CIT: variants seen among roughly 807,000 people sequenced by gnomAD.
CIT encodes the protein citron rho-interacting serine/threonine kinase, also known as citron Rho-interacting kinase.
Under a neutral mutation model 272.7 loss-of-function variants are expected in CIT, and 79 were observed. The ratio of observed to expected loss-of-function variants is 0.29; its 90% CI spans 0.24 to 0.35. The LOEUF (loss-of-function observed/expected upper bound fraction) is 0.35. Among genes scored for constraint, CIT ranks in the 10% least tolerant of loss-of-function variants. The probability of loss-of-function intolerance (pLI) is 1.00; values close to 1 mark genes in which losing one functional copy is unlikely to be tolerated. For missense variants in CIT, 1,909 were observed against 2,618.3 expected, an observed-to-expected ratio of 0.73 and a Z score of 5.91; for synonymous variants, 948 against 995.6, an observed-to-expected ratio of 0.95 and a Z score of 0.90.
At chr12:119,827,447 T>TA (rs1276277166) in intron 7 of CIT, among the ~76,000 whole-genome samples, 1 of 151,358 alleles carries the variant, frequency 6.6e-6, no homozygotes, top group Non-Finnish European at 1.5e-5. Flanking sequence ...AATAGATTTT[T>TA]TTTTTTTCCG....
chr12:119,735,240 T>C lies in CIT; in HGVS notation c.3076A>G (p.Ile1026Val). The change falls in exon 25 of 48, where the codon ATT (isoleucine) becomes GTT (valine). Residue 1026 changes from isoleucine (I) to valine (V), a missense_variant. This residue lies in a region of CIT where 530 missense variants were observed against 822.4 expected (regional missense o/e 0.64). Transcript: ENST00000392521. ...TCCACTTCACTTCGCAGTTGTACAA[T>C]CTCGTCGTTGGCGCCAGAAGCCTCA... is the stretch of plus-strand genomic sequence containing the variant. Reference protein sequence around the residue: ...LDEASGANDEIVQLRSEVDHL... With the variant: ...LDEASGANDEVVQLRSEVDHL... 6.2e-7 allele frequency: 1 copy of C among 1,614,158 alleles called. No homozygotes were observed. The highest frequency in any genetic ancestry group is 2.2e-5 in the East Asian group (1 of 44,878).
chr12:119,712,094 C>T lies in CIT; in HGVS notation c.4854+84G>A. On this transcript the variant is annotated intron_variant, in intron 37 of 47. Coordinates refer to ENST00000392521, the MANE Select transcript of CIT (RefSeq NM_001206999.2). This position sits in a 1 kb window ranked among gnomAD's most constrained non-coding sequence, Gnocchi z 5.2. Reference sequence around the variant, plus strand: ...GAGAGCCTGAGGGGAATCAAAATGGCCAATGGGATTCTCGTCGTTAACACC... The same window carrying T: ...GAGAGCCTGAGGGGAATCAAAATGGTCAATGGGATTCTCGTCGTTAACACC... The T allele has an allele frequency of 7.5e-7, 1 of 1,341,114 alleles. No individual in the cohort carries two copies. Among genetic ancestry groups the T allele is most frequent in the Non-Finnish European group, 1.0e-6 (1 of 974,328 alleles). The allele number at this position is 1,341,114 out of a possible 1,614,324, so 83.1% of individuals were successfully genotyped here. A position where few individuals can be genotyped will look rare whatever the true frequency, so the allele number is the denominator to read the frequency against.
chr12:119,708,324 C>A lies in CIT; in HGVS notation c.5072-6G>T, dbSNP rs200862487. Reference sequence around the variant, plus strand: ...ACACAGTGCCCGCTCTTCTCCTGAACAGGAAAAGGAACAACCTCTCGTCAG... The same window carrying A: ...ACACAGTGCCCGCTCTTCTCCTGAAAAGGAAAAGGAACAACCTCTCGTCAG... On this transcript the variant is annotated splice_region_variant and splice_polypyrimidine_tract_variant and intron_variant, in intron 39 of 47. Transcript: ENST00000392521. The A allele has an allele frequency of 1.4e-3, 2,177 of 1,575,262 alleles. 37 individuals carry two copies. The South Asian group carries it at 0.016, about 12-fold the overall frequency.
intron 9 of CIT, among the ~76,000 whole-genome samples, chr12:119,821,817 A>G (rs1967747819): frequency 1.3e-5 from 2 of 152,200 alleles, no homozygotes; most frequent in African/African-American, 4.8e-5. Context: ...TAGAAAAATA[A>G]AGCAATGTGG....
intron 7 of CIT, among the ~76,000 whole-genome samples, 183 bp from the exon 8 acceptor site, chr12:119,825,551 A>G (rs1032583052): frequency 1.5e-4 from 23 of 152,160 alleles, no homozygotes; most frequent in Admixed American, 3.9e-4. Flanking sequence ...AAAAAAAAAA[A>G]AAAAGCACAC....
chr12:119,722,340 T>C (rs1957845676), intron 28 of CIT, among the ~76,000 whole-genome samples: 2 of 152,078 alleles, frequency 1.3e-5, no homozygotes, highest in Non-Finnish European at 2.9e-5. Context: ...TCTGCAGACT[T>C]AGGGACAGAG....
chr12:119,746,487 T>C (rs971987920), intron 23 of CIT, among the ~76,000 whole-genome samples: 5 of 152,170 alleles, frequency 3.3e-5, no homozygotes, highest in Admixed American at 3.3e-4. Context: ...AAGCTGAGAG[T>C]GGAGTTAGCT....
In CIT at chr12:119,718,730, G is replaced by A; in HGVS notation, c.3972C>T (p.Thr1324=). 6.2e-7 allele frequency: 1 copy of A among 1,613,960 alleles called. No individual in the cohort carries two copies. Among genetic ancestry groups the A allele is most frequent in the Non-Finnish European group, 8.5e-7 (1 of 1,180,042 alleles). Residue 1324 remains threonine (T), a synonymous_variant, in exon 31 of 48, where the codon ACC becomes ACT. Coordinates refer to ENST00000392521, the MANE Select transcript of CIT (RefSeq NM_001206999.2). This position sits in a 1 kb window ranked among gnomAD's most constrained non-coding sequence, Gnocchi z 4.8. The stretch of plus-strand genomic sequence containing the variant: ...CCCGGGCGGACCGGAGCTCGATGCG[G>A]GTCTTCTGAAGGGCTTCCTCTAGCT... ...CAELEEALQK[T]RIELRSAREE... is the part of the protein sequence containing the mutation.
At position 119,713,422 on chromosome 12, in the gene CIT, G is replaced by T; in HGVS notation, c.4487+46C>A. 6.2e-7 allele frequency: 1 copy of T among 1,601,442 alleles called. No individual in the cohort carries two copies. Among genetic ancestry groups the T allele is most frequent in the Non-Finnish European group, 8.5e-7 (1 of 1,171,934 alleles). ...CCTAGAAAACATCAGGGACAGAGTGGCTTGTGCCAGCACCTGCTCCAGCCC... is the reference window on the plus strand; with the variant it reads ...CCTAGAAAACATCAGGGACAGAGTGTCTTGTGCCAGCACCTGCTCCAGCCC... On this transcript the variant is annotated intron_variant, in intron 34 of 47. Transcript: ENST00000392521. This position sits in a 1 kb window ranked among gnomAD's most constrained non-coding sequence, Gnocchi z 5.2.
chr12:119,796,561 T>C (rs1036077434), intron 10 of CIT, among the ~76,000 whole-genome samples: 1 of 152,088 alleles, frequency 6.6e-6, no homozygotes, highest in Non-Finnish European at 1.5e-5. Flanking sequence ...GCTTACTGAG[T>C]GAGCGAGTGG....
Position 119,860,822 on chromosome 12 carries a change from T to TAA in CIT, c.239-3126_239-3125dup, listed in dbSNP as rs561470396. On this transcript the variant is annotated intron_variant, in intron 3 of 47. Transcript: ENST00000392521. Reference sequence around the variant, plus strand: ...GGCTACATTCAAGCCTATGATTACTTAAAAAAAAAAAAAAAAGACCAGGCG... The same window carrying TAA: ...GGCTACATTCAAGCCTATGATTACTTAAAAAAAAAAAAAAAAAAGACCAGGCG... 3.9e-4 allele frequency among the ~76,000 whole-genome samples: 53 copies of TAA among 136,512 alleles called. 1 individual carries two copies. In the South Asian group the frequency reaches 4.0e-3, roughly 10 times the overall value. 89.6% of individuals were successfully genotyped at this position (136,512 alleles called of 152,430 possible).
At chr12:119,800,276 C>G (rs1249395729) in intron 10 of CIT, among the ~76,000 whole-genome samples, 1 of 152,054 alleles carries the variant, frequency 6.6e-6, no homozygotes, top group Non-Finnish European at 1.5e-5. Context: ...TCACCATAAC[C>G]CCACCCCAAA....
chr12:119,848,368 C>G (rs1818294908), intron 5 of CIT, among the ~76,000 whole-genome samples: 1 of 152,132 alleles, frequency 6.6e-6, no homozygotes, highest in Non-Finnish European at 1.5e-5. Context: ...GGAGTTCATC[C>G]CTCTTACCCT....
At chr12:119,855,305 C>T (rs898625488) in intron 4 of CIT, among the ~76,000 whole-genome samples, 4 of 152,060 alleles carry the variant, frequency 2.6e-5, no homozygotes, top group African/African-American at 4.8e-5. Context: ...CGCCTGTAGT[C>T]CCAGCTACTC....
intron 16 of CIT, among the ~76,000 whole-genome samples, chr12:119,773,564 G>C (rs937662382): frequency 1.2e-4 from 18 of 152,084 alleles, no homozygotes; most frequent in Admixed American, 5.2e-4. Context: ...CTCCCGAGTA[G>C]CTAGGATTAC....
At chr12:119,788,567 G>A (rs531270498) in intron 10 of CIT, among the ~76,000 whole-genome samples, 3 of 152,280 alleles carry the variant, frequency 2.0e-5, no homozygotes, top group East Asian at 1.9e-4. Context: ...AGGATGTGGC[G>A]TGAAAAACTT....
intron 41 of CIT, among the ~76,000 whole-genome samples, chr12:119,703,742 A>G (rs7133714): frequency 0.095 from 14,394 of 152,064 alleles, 1,850 homozygotes; most frequent in African/African-American, 0.3. Flanking sequence ...CATTTTTGAG[A>G]CTAATCATGA....
chr12:119,765,441 C>A (rs1962327709), intron 19 of CIT, among the ~76,000 whole-genome samples: 2 of 139,384 alleles, frequency 1.4e-5, no homozygotes, highest in South Asian at 2.3e-4. Flanking sequence ...AAATCTTAAG[C>A]AGAATAAGAT....
intron 26 of CIT, among the ~76,000 whole-genome samples, chr12:119,733,103 G>A (rs1390245801): frequency 2.0e-5 from 3 of 152,146 alleles, no homozygotes; most frequent in Non-Finnish European, 4.4e-5. Context: ...GAACTATGGA[G>A]TATGCAATTG....
Sources: gnomAD v4.1 joint callset for allele counts (sites outside exome capture counted in the v4.1 genomes callset) on GRCh38, gnomAD v4.1.1 for gene constraint, gnomAD v4.1.1 regional missense constraint, Gnocchi (gnomAD v3.1) non-coding constraint, MANE v1.5 for transcripts, NCBI Gene and HGNC (gene_info 2026-07-23, HGNC 2026-07-21) for gene names.